The following RIMS2 variants were observed in gnomAD, a reference collection of about 807,000 sequenced individuals.
RIMS2 encodes regulating synaptic membrane exocytosis protein 2.
In RIMS2, 59 loss-of-function variants were observed where a neutral mutation model predicts 174.4. The ratio of observed to expected loss-of-function variants is 0.34; its 90% CI spans 0.27 to 0.42. The LOEUF (loss-of-function observed/expected upper bound fraction) is 0.42. RIMS2 is among the 10% of genes least tolerant of loss of function. The probability of loss-of-function intolerance (pLI) is 1.00; values close to 1 mark genes in which losing one functional copy is unlikely to be tolerated. For synonymous variants in RIMS2, 606 were observed against 572.5 expected, an observed-to-expected ratio of 1.06 and a Z score of -0.84; for missense variants, 1,620 against 1,666.3, an observed-to-expected ratio of 0.97 and a Z score of 0.48.
chr8:104,208,377 G>A (rs964414954), intron 19 of RIMS2, among the ~76,000 whole-genome samples: 1 of 152,048 alleles, frequency 6.6e-6, no homozygotes. Context: ...AGACCAGCCT[G>A]GCCAACAAGG....
chr8:104,042,076 T>A (rs911404354), intron 19 of RIMS2, among the ~76,000 whole-genome samples: 1 of 151,082 alleles, frequency 6.6e-6, no homozygotes, highest in Admixed American at 6.6e-5. Context: ...TGTATATATT[T>A]TATATATATA....
intron 1 of RIMS2, among the ~76,000 whole-genome samples, chr8:103,530,376 G>A (rs1236110609): frequency 2.0e-5 from 3 of 152,058 alleles, no homozygotes; most frequent in Non-Finnish European, 4.4e-5. Context: ...GAGGCAAATA[G>A]CAAGTAGTAA....
intron 13 of RIMS2, among the ~76,000 whole-genome samples, chr8:103,942,546 C>A (rs2154539146): frequency 6.6e-6 from 1 of 152,046 alleles, no homozygotes; most frequent in East Asian, 1.9e-4. Flanking sequence ...AGTCAAGGGT[C>A]AACAAAATAA....
intron 19 of RIMS2, among the ~76,000 whole-genome samples, chr8:104,048,842 A>C (rs1345306574): frequency 6.6e-6 from 1 of 152,158 alleles, no homozygotes; most frequent in Non-Finnish European, 1.5e-5. Context: ...ATTATTACAC[A>C]ACTCAAATTA....
At chr8:104,136,311 G>A (rs572668744) in intron 19 of RIMS2, among the ~76,000 whole-genome samples, 20 of 152,224 alleles carry the variant, frequency 1.3e-4, no homozygotes, top group Admixed American at 5.2e-4. Context: ...ACAAAAAGGG[G>A]TGTATGGGAA....
intron 3 of RIMS2, among the ~76,000 whole-genome samples, chr8:103,852,518 GGT>G (rs2099004711): frequency 1.3e-5 from 2 of 151,154 alleles, no homozygotes; most frequent in African/African-American, 4.9e-5. Context: ...TTGCAAGCAT[GGT>G]ACCTAATAGG....
intron 3 of RIMS2, among the ~76,000 whole-genome samples, chr8:103,845,988 T>C (rs1283281183): frequency 6.6e-6 from 1 of 152,158 alleles, no homozygotes; most frequent in East Asian, 1.9e-4. Context: ...GAAAACTTGT[T>C]TTCAAACAAA....
In RIMS2 at chr8:103,936,547, A is replaced by T. The variant is rs200459961; in HGVS notation, c.2376-4A>T. ...AGTTCATAATTCATTGTTTTTTTCC[A>T]TAGTGATAAAAACAAGAGAAGAACT... On this transcript the variant is annotated splice_polypyrimidine_tract_variant and splice_region_variant and intron_variant, in intron 12 of 23. Transcript: ENST00000504942. The T allele has an allele frequency of 6.5e-7, 1 of 1,532,850 alleles. No individual in the cohort carries two copies. The highest frequency in any genetic ancestry group is 2.1e-5 in the Admixed American group (1 of 47,994). The allele number at this position is 1,532,850 out of a possible 1,614,324, so 95.0% of individuals were successfully genotyped here. A position where few individuals can be genotyped will look rare whatever the true frequency, so the allele number is the denominator to read the frequency against.
At chr8:103,544,630 A>G (rs923387206) in intron 1 of RIMS2, among the ~76,000 whole-genome samples, 1 of 152,340 alleles carries the variant, frequency 6.6e-6, no homozygotes, top group East Asian at 1.9e-4. Flanking sequence ...CCACAATGCC[A>G]TGTTCCTGTG....
chr8:104,109,405 T>C (rs186647652), intron 19 of RIMS2, among the ~76,000 whole-genome samples: 1 of 152,208 alleles, frequency 6.6e-6, no homozygotes, highest in East Asian at 1.9e-4. Context: ...AGACAGAACT[T>C]GATTGAGTCC....
At chr8:103,675,573 G>A (rs998249455) in intron 1 of RIMS2, among the ~76,000 whole-genome samples, 5 of 152,106 alleles carry the variant, frequency 3.3e-5, no homozygotes, top group Non-Finnish European at 7.3e-5. Flanking sequence ...AATTAAACAA[G>A]TATTAAAAAT....
intron 9 of RIMS2, chr8:103,921,002 GCAACAACAACAACAACAACAACAACAA>G (rs112922890): frequency 5.1e-6 from 1 of 196,282 alleles, no homozygotes; most frequent in Non-Finnish European, 1.0e-5. Flanking sequence ...CTGTCTCAAA[GCAACAACAACAACAACAACAACAACAA>G]CAACAACAAC....
Position 103,718,138 on chromosome 8 carries a change from C to T in RIMS2, c.387+20842C>T, listed in dbSNP as rs1057513420. On this transcript the variant is annotated intron_variant, in intron 2 of 23. Coordinates refer to ENST00000504942, the Ensembl canonical transcript of RIMS2. ...GAAGAGTATACTTGCTAGTCCCAAT[C>T]GTATCTAATGCCAAGGAGGATAATA... Among the ~76,000 whole-genome samples, 11 of 152,136 alleles carry T rather than the reference C, an allele frequency of 7.2e-5. No individual in the cohort carries two copies. In the South Asian group the frequency reaches 1.5e-3, roughly 20 times the overall value.
chr8:103,602,273 C>T (rs1269664391), intron 1 of RIMS2, among the ~76,000 whole-genome samples: 1 of 152,190 alleles, frequency 6.6e-6, no homozygotes, highest in East Asian at 1.9e-4. Context: ...AGGCATGAGC[C>T]ACCACGCCTG....
chr8:103,660,076 C>T (rs920571198), intron 1 of RIMS2, among the ~76,000 whole-genome samples: 1 of 152,184 alleles, frequency 6.6e-6, no homozygotes, highest in African/African-American at 2.4e-5. Flanking sequence ...TCCATAGGTG[C>T]CCTGGGCCCT....
chr8:103,712,992 T>TTTCC (rs933682529), intron 2 of RIMS2, among the ~76,000 whole-genome samples: 7 of 152,048 alleles, frequency 4.6e-5, no homozygotes, highest in African/African-American at 1.2e-4. Flanking sequence ...GGATTTTTCT[T>TTTCC]TTCCTTCCTT....
intron 1 of RIMS2, among the ~76,000 whole-genome samples, chr8:103,648,617 T>A (rs1247112812): frequency 6.6e-6 from 1 of 152,230 alleles, no homozygotes; most frequent in Non-Finnish European, 1.5e-5. Context: ...TGAATCTGAG[T>A]GCTCCTGTAT....
chr8:104,031,765 G>C (rs2096398065), intron 19 of RIMS2, among the ~76,000 whole-genome samples: 1 of 152,122 alleles, frequency 6.6e-6, no homozygotes, highest in African/African-American at 2.4e-5. Context: ...ACCAGTCTGA[G>C]ACAGGTTTGT....
intron 15 of RIMS2, among the ~76,000 whole-genome samples, chr8:103,970,838 G>C (rs554398610): frequency 6.6e-6 from 1 of 152,148 alleles, no homozygotes; most frequent in Non-Finnish European, 1.5e-5. Context: ...AACATTACAA[G>C]CTCCTTACAA....
Sources: gnomAD v4.1 joint callset for allele counts (sites outside exome capture counted in the v4.1 genomes callset) on GRCh38, gnomAD v4.1.1 for gene constraint, MANE v1.5 for transcripts, NCBI Gene and HGNC (gene_info 2026-07-23, HGNC 2026-07-21) for gene names.